ITPK1: variants seen among roughly 807,000 people sequenced by gnomAD.
The protein encoded by ITPK1 is inositol-tetrakisphosphate 1-kinase, also known as inositol 1,3,4-trisphosphate 5/6-kinase.
In ITPK1, 21 loss-of-function variants were observed where a neutral mutation model predicts 45.3. The observed-to-expected ratio is 0.46, with a 90% CI of 0.33 to 0.67. ITPK1 has a LOEUF of 0.67. ITPK1 is among the 30% of genes least tolerant of loss of function. The pLI is 0.02. For synonymous variants in ITPK1, 258 were observed against 253.6 expected, an observed-to-expected ratio of 1.02 and a Z score of -0.16; for missense variants, 474 against 573.5, an observed-to-expected ratio of 0.83 and a Z score of 1.77.
chr14:92,946,415 G>A lies in ITPK1; in HGVS notation c.817C>T (p.Leu273=). 1 of 1,613,354 alleles carries A rather than the reference G, an allele frequency of 6.2e-7. No homozygotes were observed. The highest frequency in any genetic ancestry group is 8.5e-7 in the Non-Finnish European group (1 of 1,180,014). Residue 273 remains leucine (L), a synonymous_variant, in exon 10 of 11, where the codon CTG becomes TTG. Coordinates refer to ENST00000267615, the MANE Select transcript of ITPK1 (RefSeq NM_014216.6). ...TCGATGCCGAAGAGTGACACGCCCAGTGCCTGCCGCAGGGCCCGGGAGAGC... is the reference window on the plus strand; with the variant it reads ...TCGATGCCGAAGAGTGACACGCCCAATGCCTGCCGCAGGGCCCGGGAGAGC... ...RELSRALRQA[L]GVSLFGIDII...
intron 5 of ITPK1, among the ~76,000 whole-genome samples, chr14:92,967,229 T>G (rs1404294535): frequency 2.0e-5 from 3 of 152,124 alleles, no homozygotes; most frequent in African/African-American, 7.2e-5. Context: ...TATCAACAAC[T>G]GAACAATTAA....
intron 6 of ITPK1, 74 bp from the exon 7 acceptor site, chr14:92,962,469 C>T (rs1030222375): frequency 1.7e-5 from 17 of 1,013,894 alleles, no homozygotes; most frequent in Non-Finnish European, 2.4e-5. Flanking sequence ...CTTGGCACGT[C>T]TAGAAAGGAA....
At chr14:93,069,244 A>G (rs1455067073) in intron 3 of ITPK1, 1 of 154,054 alleles carries the variant, frequency 6.5e-6, no homozygotes, top group Non-Finnish European at 1.5e-5. Flanking sequence ...CTCTTCCCCC[A>G]TAGCCTCAGG....
intron 2 of ITPK1, among the ~76,000 whole-genome samples, chr14:93,086,061 C>T (rs1320192966): frequency 6.6e-6 from 1 of 151,758 alleles, no homozygotes; most frequent in African/African-American, 2.4e-5. Context: ...GCTTCTTAAT[C>T]CCAAGAATGC....
chr14:92,967,198 T>A (rs918227919), intron 5 of ITPK1, among the ~76,000 whole-genome samples: 10 of 152,218 alleles, frequency 6.6e-5, no homozygotes, highest in Non-Finnish European at 1.5e-4. Flanking sequence ...AAGCGTCTAG[T>A]ATCCGAAATA....
chr14:92,972,555 G>A (rs1291057382), intron 5 of ITPK1, among the ~76,000 whole-genome samples: 1 of 152,122 alleles, frequency 6.6e-6, no homozygotes, highest in Non-Finnish European at 1.5e-5. Context: ...TGCAGCCCAC[G>A]CAAATGAATA....
intron 5 of ITPK1, among the ~76,000 whole-genome samples, chr14:92,968,600 G>A (rs1222400088): frequency 6.6e-6 from 1 of 152,184 alleles, no homozygotes; most frequent in African/African-American, 2.4e-5. Context: ...CAGACGAAAT[G>A]CAAGAACAAG....
At chr14:93,114,542 C>T (rs1396739400) in intron 2 of ITPK1, among the ~76,000 whole-genome samples, 1 of 152,246 alleles carries the variant, frequency 6.6e-6, no homozygotes, top group African/African-American at 2.4e-5. Context: ...CAAATCACCA[C>T]ATACATGCCA....
At chr14:93,045,175 A>T (rs1889724393) in intron 3 of ITPK1, among the ~76,000 whole-genome samples, 1 of 152,182 alleles carries the variant, frequency 6.6e-6, no homozygotes, top group African/African-American at 2.4e-5. Context: ...CCAAACCTCC[A>T]AGCCTCACCT....
chr14:93,083,980 C>T (rs1369576412), intron 2 of ITPK1, among the ~76,000 whole-genome samples: 1 of 152,248 alleles, frequency 6.6e-6, no homozygotes, highest in East Asian at 1.9e-4. Flanking sequence ...CGGCAATTTC[C>T]CTCCTGGACA....
chr14:92,993,981 TG>T lies in ITPK1; in HGVS notation c.262del (p.His88ThrfsTer63), dbSNP rs1295779391. 6.2e-7 allele frequency: 1 copy of T among 1,612,352 alleles called. No individual in the cohort carries two copies. The highest frequency in any genetic ancestry group is 8.5e-7 in the Non-Finnish European group (1 of 1,178,520). On this transcript the variant is annotated frameshift_variant, in exon 5 of 11. Coordinates refer to ENST00000267615, the MANE Select transcript of ITPK1 (RefSeq NM_014216.6). LOFTEE classifies it high-confidence loss of function. Reference protein sequence around the residue: ...VHRFQEYIDAHPETIVLDPLP... With the variant: ...VHRFQEYIDAXPETIVLDPLP... Reference sequence around the variant, plus strand: ...CGGGTCCAGGACGATGGTCTCAGGGTGGGCATCGATGTACTCCTGAAAGGGA... The same window carrying T: ...CGGGTCCAGGACGATGGTCTCAGGGTGGCATCGATGTACTCCTGAAAGGGA...
intron 2 of ITPK1, among the ~76,000 whole-genome samples, chr14:93,112,383 AC>A (rs1339583371): frequency 1.5e-5 from 2 of 135,738 alleles, no homozygotes; most frequent in Non-Finnish European, 3.2e-5. Context: ...TAAACAACCC[AC>A]CCCGGGCCGG....
chr14:93,048,515 G>A (rs1354551329), intron 3 of ITPK1, among the ~76,000 whole-genome samples: 2 of 152,154 alleles, frequency 1.3e-5, no homozygotes, highest in East Asian at 1.9e-4. Flanking sequence ...TGCCATGCTC[G>A]CCATGGTAGA....
chr14:93,098,406 G>A (rs1261679404), intron 2 of ITPK1, among the ~76,000 whole-genome samples: 1 of 151,146 alleles, frequency 6.6e-6, no homozygotes. Context: ...GTAGTGAGCC[G>A]AGATCACGCT....
chr14:93,100,535 A>G (rs1327642231), intron 2 of ITPK1, among the ~76,000 whole-genome samples: 1 of 149,696 alleles, frequency 6.7e-6, no homozygotes, highest in African/African-American at 2.4e-5. Flanking sequence ...GGGAGAGAGG[A>G]GGGAGAGAGA....
Position 92,940,828 on chromosome 14 carries a change from C to T in ITPK1, c.*733G>A. The T allele has an allele frequency of 2.3e-6, 3 of 1,287,274 alleles. No homozygotes were observed. The highest frequency in any genetic ancestry group is 2.5e-5 in the South Asian group (2 of 80,682). The allele number at this position is 1,287,274 out of a possible 1,614,324, so 79.7% of individuals were successfully genotyped here. On this transcript the variant is annotated 3_prime_UTR_variant, in exon 11 of 11. Transcript: ENST00000267615. ...AGCCAGGCAGCCTCCTTCCCGGGCT[C>T]CAGGGAGCAGCAGTGCTGGCTTAGG...
intron 3 of ITPK1, chr14:93,072,125 T>G (rs1394353301): frequency 6.4e-5 from 9 of 141,352 alleles, no homozygotes; most frequent in African/African-American, 2.2e-4. Context: ...AAACCCCATC[T>G]CTACTTAAAA....
chr14:92,936,959 G>A lies in ITPK1; in HGVS notation c.*4602C>T, dbSNP rs904869036. Reference sequence around the variant, plus strand: ...ATTTCTTCATGTTTCCAAAAGTTAGGTTTATACTCCACCCCTACAGTTACA... The same window carrying A: ...ATTTCTTCATGTTTCCAAAAGTTAGATTTATACTCCACCCCTACAGTTACA... On this transcript the variant is annotated 3_prime_UTR_variant, in exon 11 of 11. Coordinates refer to ENST00000267615, the MANE Select transcript of ITPK1 (RefSeq NM_014216.6). 7 of 152,154 alleles carry A rather than the reference G, an allele frequency of 4.6e-5. No homozygotes were observed. Among genetic ancestry groups the A allele is most frequent in the African/African-American group, 1.7e-4 (7 of 41,414 alleles). The allele number at this position is 152,154 out of a possible 1,614,324, so 9.4% of individuals were successfully genotyped here.
At chr14:93,047,955 T>C (rs1889852156) in intron 3 of ITPK1, among the ~76,000 whole-genome samples, 1 of 152,214 alleles carries the variant, frequency 6.6e-6, no homozygotes, top group African/African-American at 2.4e-5. Context: ...CTGATGACAA[T>C]ACATGTGAGT....
Sources: gnomAD v4.1 joint callset for allele counts (sites outside exome capture counted in the v4.1 genomes callset) on GRCh38, gnomAD v4.1.1 for gene constraint, MANE v1.5 for transcripts, NCBI Gene and HGNC (gene_info 2026-07-23, HGNC 2026-07-21) for gene names.